Variants in CLRN1 observed in about 807,000 individuals in gnomAD.
CLRN1 encodes clarin 1.
A neutral mutation model predicts 18.7 loss-of-function variants in CLRN1; 15 were observed. The observed-to-expected ratio is 0.80, with a 90% CI of 0.54 to 1.23. CLRN1 has a LOEUF of 1.23. CLRN1 is among the 50% of genes most tolerant of loss of function. CLRN1 has a pLI of 0.00. For synonymous variants in CLRN1, 104 were observed against 102.9 expected, an observed-to-expected ratio of 1.01 and a Z score of -0.07; for missense variants, 311 against 277.5, an observed-to-expected ratio of 1.12 and a Z score of -0.86.
chr3:150,930,988 T>C (rs1713104081), intron 2 of CLRN1, among the ~76,000 whole-genome samples: 1 of 152,184 alleles, frequency 6.6e-6, no homozygotes, highest in African/African-American at 2.4e-5. Flanking sequence ...CAGTCTGAGA[T>C]CTTGCTCTGG....
chr3:150,934,870 G>A (rs1164162822), intron 2 of CLRN1, among the ~76,000 whole-genome samples: 1 of 151,274 alleles, frequency 6.6e-6, no homozygotes, highest in Admixed American at 6.6e-5. Context: ...AAATCTTGAG[G>A]GAAGCTTTTT....
At chr3:150,954,210 G>A (rs746297456) in intron 1 of CLRN1, among the ~76,000 whole-genome samples, 13 of 152,128 alleles carry the variant, frequency 8.5e-5, no homozygotes, top group South Asian at 2.1e-4. Flanking sequence ...AAGAAGCTGC[G>A]GAGTGTTTTC....
At chr3:150,972,861 T>G (rs1205076932), upstream of CLRN1, 2 of 1,049,048 alleles carry the variant, frequency 1.9e-6, no homozygotes, top group Non-Finnish European at 2.9e-6. Context: ...TCTCGCCAGG[T>G]TAAATGTCAG....
In CLRN1 at chr3:150,933,600, C is replaced by G. The variant is rs542758457; in HGVS notation, c.434-5399G>C. On this transcript the variant is annotated intron_variant, in intron 2 of 2. Coordinates refer to ENST00000327047, the MANE Select transcript of CLRN1 (RefSeq NM_174878.3). ...GTGTGTGTTTCTGAAGTGGATACAT[C>G]AAGTGGTGCTTTGGAGGTCAAAGCA... 2.0e-4 allele frequency among the ~76,000 whole-genome samples: 30 copies of G among 152,222 alleles called. No individual in the cohort carries two copies. In the South Asian group the frequency reaches 3.7e-3, roughly 19 times the overall value.
chr3:150,928,303 C>A, intron 2 of CLRN1, 102 bp from the exon 3 acceptor site: 1 of 1,390,716 alleles, frequency 7.2e-7, no homozygotes, highest in Non-Finnish European at 9.9e-7. Flanking sequence ...ACCATCATCC[C>A]CATTGACATT....
chr3:150,966,536 C>A (rs750814628), intron 1 of CLRN1, among the ~76,000 whole-genome samples: 1 of 152,154 alleles, frequency 6.6e-6, no homozygotes, highest in Admixed American at 6.6e-5. Context: ...CTCAATAATA[C>A]GATCTCATTT....
chr3:150,927,553 G>C lies in CLRN1; in HGVS notation c.*383C>G, dbSNP rs1712872772. ...TCTGAAATCTGGCAACAAATGTGTG[G>C]ATATATTAGAGATATTATTTGTTTT... is the stretch of plus-strand genomic sequence containing the variant. On this transcript the variant is annotated 3_prime_UTR_variant, in exon 3 of 3. Coordinates refer to ENST00000327047, the MANE Select transcript of CLRN1 (RefSeq NM_174878.3). The C allele has an allele frequency of 6.6e-6, 3 of 457,808 alleles. No homozygotes were observed. Among genetic ancestry groups the C allele is most frequent in the East Asian group, 6.8e-5 (1 of 14,712 alleles). The allele number at this position is 457,808 out of a possible 1,614,324, so 28.4% of individuals were successfully genotyped here.
intron 2 of CLRN1, chr3:150,940,556 C>CATT (rs1713757435): frequency 6.5e-7 from 1 of 1,528,572 alleles, no homozygotes; most frequent in African/African-American, 1.4e-5. Context: ...TAGAGATTTT[C>CATT]ATTACATTGT....
At chr3:150,933,833 C>G (rs973143197) in intron 2 of CLRN1, among the ~76,000 whole-genome samples, 1 of 152,210 alleles carries the variant, frequency 6.6e-6, no homozygotes, top group African/African-American at 2.4e-5. Flanking sequence ...ACAACACTGC[C>G]CCTTTAGCCA....
intron 1 of CLRN1, among the ~76,000 whole-genome samples, chr3:150,949,441 T>C (rs539188432): frequency 1.3e-5 from 2 of 152,230 alleles, no homozygotes; most frequent in Non-Finnish European, 2.9e-5. Context: ...GAGAACATGA[T>C]TCTATATCTA....
intron 2 of CLRN1, among the ~76,000 whole-genome samples, chr3:150,932,855 A>G (rs1011358531): frequency 2.6e-5 from 4 of 152,206 alleles, no homozygotes; most frequent in African/African-American, 9.6e-5. Flanking sequence ...AGATTTTGAG[A>G]TTGTGATGGC....
intron 1 of CLRN1, among the ~76,000 whole-genome samples, chr3:150,968,387 C>A (rs1695055856): frequency 6.6e-6 from 1 of 152,104 alleles, no homozygotes; most frequent in Admixed American, 6.5e-5. Context: ...GAAAACATTC[C>A]TTCATTATAA....
intron 1 of CLRN1, among the ~76,000 whole-genome samples, chr3:150,958,321 C>T (rs1471285030): frequency 6.6e-6 from 1 of 152,108 alleles, no homozygotes; most frequent in African/African-American, 2.4e-5. Context: ...ATTTCTCTGC[C>T]AGTGCTTTGG....
chr3:150,951,487 G>A (rs1038328667), intron 1 of CLRN1, among the ~76,000 whole-genome samples: 17 of 151,950 alleles, frequency 1.1e-4, no homozygotes, highest in African/African-American at 4.8e-5. Flanking sequence ...ACAGGCACCC[G>A]CCACCATGCC....
chr3:150,965,740 A>G (rs563276927), intron 1 of CLRN1, among the ~76,000 whole-genome samples: 1 of 152,326 alleles, frequency 6.6e-6, no homozygotes, highest in Admixed American at 6.5e-5. Flanking sequence ...GCTCGGGTCA[A>G]TGATTTTACT....
rs111959582 is a variant in CLRN1 at position 150,942,314 on chromosome 3, C to T, written c.254-553G>A. ...TGTGGGAAAATAATTTCTGGTACTA[C>T]GGGAAATATTTCAATGTAGAAAACA... is the stretch of plus-strand genomic sequence containing the variant. On this transcript the variant is annotated intron_variant, in intron 1 of 2. Transcript: ENST00000327047. Among the ~76,000 whole-genome samples the T allele has an allele frequency of 3.2e-3, 493 of 152,198 alleles. 4 individuals are homozygous for T. Among genetic ancestry groups the T allele is most frequent in the African/African-American group, 0.011 (446 of 41,526 alleles).
At position 150,972,558 on chromosome 3, in the gene CLRN1, C is replaced by T. The variant is rs752143225; in HGVS notation, c.151G>A (p.Gly51Arg). Residue 51 changes from glycine to arginine, a missense_variant, in exon 1 of 3, where the codon GGG becomes AGG. Gly to Arg is a moderately radical substitution (Grantham distance 125). Coordinates refer to ENST00000327047, the MANE Select transcript of CLRN1 (RefSeq NM_174878.3). Reference sequence around the variant, plus strand: ...CCCATAAACTTGTCCAGCTCCTGCCCTGAGGCATTGACGAGCAGAGCTCCC... The same window carrying T: ...CCCATAAACTTGTCCAGCTCCTGCCTTGAGGCATTGACGAGCAGAGCTCCC... Reference protein sequence around the residue: ...KTGALLVNASGQELDKFMGEM... With the variant: ...KTGALLVNASRQELDKFMGEM... 1.2e-4 allele frequency: 199 copies of T among 1,614,144 alleles called. 1 individual carries two copies. Among genetic ancestry groups the T allele is most frequent in the Non-Finnish European group, 1.6e-4 (194 of 1,180,054 alleles).
intron 1 of CLRN1, among the ~76,000 whole-genome samples, chr3:150,951,807 G>T (rs569810809): frequency 4.6e-4 from 70 of 152,156 alleles, no homozygotes; most frequent in African/African-American, 1.5e-3. Flanking sequence ...GAGAGAGAGG[G>T]GAGGTGCCAC....
chr3:150,947,693 T>C (rs940175395), intron 1 of CLRN1, among the ~76,000 whole-genome samples: 1 of 152,144 alleles, frequency 6.6e-6, no homozygotes, highest in African/African-American at 2.4e-5. Flanking sequence ...ACCAAAGTCA[T>C]ATCAAACACC....
Sources: gnomAD v4.1 joint callset for allele counts (sites outside exome capture counted in the v4.1 genomes callset) on GRCh38, gnomAD v4.1.1 for gene constraint, MANE v1.5 for transcripts, NCBI Gene and HGNC (gene_info 2026-07-23, HGNC 2026-07-21) for gene names.